The following ATG7 variants were observed in gnomAD, a reference collection of about 807,000 sequenced individuals.
ATG7 encodes ubiquitin-like modifier-activating enzyme ATG7.
Under a neutral mutation model 82.4 loss-of-function variants are expected in ATG7, and 70 were observed. That is an observed-to-expected ratio of 0.85 (90% CI 0.70 to 1.04). The LOEUF (loss-of-function observed/expected upper bound fraction) is 1.04. ATG7 is among the 50% of genes least tolerant of loss of function. The pLI is 0.00. For synonymous variants in ATG7, 287 were observed against 313.0 expected, an observed-to-expected ratio of 0.92 and a Z score of 0.88; for missense variants, 792 against 864.3, an observed-to-expected ratio of 0.92 and a Z score of 1.05.
At chr3:11,565,624 G>A in the ATG7 span, among the ~76,000 whole-genome samples, 4 of 152,192 alleles carry the variant, frequency 2.6e-5, no homozygotes, top group Admixed American at 6.5e-5. This position sits in a 1 kb window ranked among gnomAD's most constrained non-coding sequence, Gnocchi z 4.1. Context: ...TGGGGTTCCC[G>A]GGGTGCTGTA....
chr3:11,560,438 G>A (rs1212976904), downstream of ATG7, among the ~76,000 whole-genome samples: 3 of 152,194 alleles, frequency 2.0e-5, no homozygotes, highest in Non-Finnish European at 4.4e-5. Flanking sequence ...AGGGACCAAT[G>A]GTGACAGCAG....
rs1435086133 is a variant in ATG7 at position 11,395,965 on chromosome 3, A to AAAGG, written c.1956+15913_1956+15914insAAGG. Among the ~76,000 whole-genome samples, 5 of 78,084 alleles carry AAAGG rather than the reference A, an allele frequency of 6.4e-5. 1 individual carries two copies. Among genetic ancestry groups the AAAGG allele is most frequent in the African/African-American group, 1.2e-4 (2 of 17,222 alleles). 51.2% of individuals were successfully genotyped at this position (78,084 alleles called of 152,430 possible). ...AAAAAAAAAAAAAAAAAAAAAAAAA[A>AAAGG]GGTAGGGGGGGAAGAGTAAAAGTGA... On this transcript the variant is annotated intron_variant, in intron 19 of 20. Transcript: ENST00000693202.
At chr3:11,552,029 G>T (rs191985805) in intron 20 of ATG7, among the ~76,000 whole-genome samples, 1 of 152,194 alleles carries the variant, frequency 6.6e-6, no homozygotes, top group African/African-American at 2.4e-5. Flanking sequence ...GATTACAGGC[G>T]TGCGCCACCA....
At chr3:11,435,771 A>G (rs1576396022) in intron 20 of ATG7, among the ~76,000 whole-genome samples, 1 of 152,154 alleles carries the variant, frequency 6.6e-6, no homozygotes. Flanking sequence ...ACTCCTCACA[A>G]TTACCATATT....
intron 14 of ATG7, among the ~76,000 whole-genome samples, chr3:11,355,875 A>G (rs531255780): frequency 6.6e-6 from 1 of 152,320 alleles, no homozygotes; most frequent in African/African-American, 2.4e-5. Context: ...AAACATATAT[A>G]CATGAAAATA....
intron 19 of ATG7, among the ~76,000 whole-genome samples, chr3:11,397,331 C>T (rs2079388629): frequency 6.6e-6 from 1 of 152,090 alleles, no homozygotes; most frequent in African/African-American, 2.4e-5. Context: ...AGGCAAAAAG[C>T]ATTAATTTGT....
At chr3:11,418,952 A>G (rs536683071) in intron 19 of ATG7, among the ~76,000 whole-genome samples, 59 of 152,058 alleles carry the variant, frequency 3.9e-4, no homozygotes, top group African/African-American at 1.4e-3. Flanking sequence ...CAAGAACAGC[A>G]TGGGAAACTG....
At chr3:11,490,157 G>A (rs1194756578) in intron 20 of ATG7, among the ~76,000 whole-genome samples, 1 of 152,102 alleles carries the variant, frequency 6.6e-6, no homozygotes, top group Non-Finnish European at 1.5e-5. Context: ...GAATCTAGGT[G>A]CTCCTGTATT....
In ATG7 at chr3:11,554,913, C is replaced by A; in HGVS notation, c.*70C>A. 1.3e-6 allele frequency: 2 copies of A among 1,567,666 alleles called. No individual in the cohort carries two copies. The highest frequency in any genetic ancestry group is 1.7e-6 in the Non-Finnish European group (2 of 1,154,680). On this transcript the variant is annotated 3_prime_UTR_variant, in exon 21 of 21. Coordinates refer to ENST00000693202, the MANE Select transcript of ATG7 (RefSeq NM_001349232.2). ...GGAGCTCTCCATCGCCAGAGCAGGA[C>A]TGCTGACCCCAGGCCTGGTGATTCT...
chr3:11,532,523 G>A (rs1296105218), intron 20 of ATG7, among the ~76,000 whole-genome samples: 1 of 152,148 alleles, frequency 6.6e-6, no homozygotes, highest in Non-Finnish European at 1.5e-5. Context: ...AGGAGTTAGA[G>A]ACCAGCCTGG....
chr3:11,440,479 T>C (rs2083801907), intron 20 of ATG7, among the ~76,000 whole-genome samples: 2 of 145,162 alleles, frequency 1.4e-5, no homozygotes, highest in Non-Finnish European at 3.0e-5. Flanking sequence ...CGCCCGCCAC[T>C]ACGCCCGGCT....
chr3:11,537,726 G>C lies in ATG7; in HGVS notation c.2080-17085G>C, dbSNP rs144314388. ...CAGGCTTAACATTTCCTGAGGCCCT[G>C]CTCGGTGCCAGGTTCTGGGTCTGTG... On this transcript the variant is annotated intron_variant, in intron 20 of 20. Coordinates refer to ENST00000693202, the MANE Select transcript of ATG7 (RefSeq NM_001349232.2). Among the ~76,000 whole-genome samples, 238 of 152,342 alleles carry C rather than the reference G, an allele frequency of 1.6e-3. 2 individuals are homozygous for C. The highest frequency in any genetic ancestry group is 3.4e-3 in the Middle Eastern group (1 of 294).
intron 20 of ATG7, among the ~76,000 whole-genome samples, chr3:11,463,619 A>AGAT (rs1366278314): frequency 2.5e-5 from 1 of 40,552 alleles, no homozygotes; most frequent in Non-Finnish European, 4.5e-5. Flanking sequence ...GAATTATCAT[A>AGAT]GGTGGAGAGT....
intron 5 of ATG7, among the ~76,000 whole-genome samples, chr3:11,301,642 T>C (rs1046332317): frequency 6.6e-6 from 1 of 152,174 alleles, no homozygotes; most frequent in African/African-American, 2.4e-5. Flanking sequence ...TCAAAAGAAA[T>C]AAAATCCTAA....
At chr3:11,463,714 G>A (rs901358917) in intron 20 of ATG7, among the ~76,000 whole-genome samples, 3 of 152,190 alleles carry the variant, frequency 2.0e-5, no homozygotes, top group Non-Finnish European at 4.4e-5. Context: ...GCAGACTGGC[G>A]TCTTCTGCTA....
chr3:11,473,934 G>T (rs1446418886), intron 20 of ATG7, among the ~76,000 whole-genome samples: 2 of 152,180 alleles, frequency 1.3e-5, no homozygotes, highest in Non-Finnish European at 2.9e-5. Context: ...CCCCTGCTTT[G>T]TAGATCCCGT....
At chr3:11,381,177 A>G (rs2077869169) in intron 19 of ATG7, among the ~76,000 whole-genome samples, 1 of 152,244 alleles carries the variant, frequency 6.6e-6, no homozygotes, top group Non-Finnish European at 1.5e-5. Flanking sequence ...CCATGAGCCC[A>G]TTCTTTCTGT....
chr3:11,534,746 G>T (rs1036890957), intron 20 of ATG7, among the ~76,000 whole-genome samples: 1 of 152,204 alleles, frequency 6.6e-6, no homozygotes, highest in Non-Finnish European at 1.5e-5. Flanking sequence ...AGCCTGGTAG[G>T]CCTCTTGACC....
intron 14 of ATG7, among the ~76,000 whole-genome samples, chr3:11,354,059 A>G (rs1253011058): frequency 6.6e-6 from 1 of 152,264 alleles, no homozygotes. Context: ...GCTCTAAAAT[A>G]TATGTATCCC....
Sources: gnomAD v4.1 joint callset for allele counts (sites outside exome capture counted in the v4.1 genomes callset) on GRCh38, gnomAD v4.1.1 for gene constraint, Gnocchi (gnomAD v3.1) non-coding constraint, MANE v1.5 for transcripts, NCBI Gene and HGNC (gene_info 2026-07-23, HGNC 2026-07-21) for gene names.